PCNX2: variants seen among roughly 807,000 people sequenced by gnomAD.
PCNX2 encodes pecanex-like protein 2.
In PCNX2, 168 loss-of-function variants were observed where a neutral mutation model predicts 223.8. The ratio of observed to expected loss-of-function variants is 0.75; its 90% CI spans 0.66 to 0.85. PCNX2 has a LOEUF of 0.85. Ranked by LOEUF, PCNX2 falls within the 40% of genes least tolerant of loss-of-function variation. The pLI is 0.00. For missense variants in PCNX2, 2,507 were observed against 2,675.5 expected (o/e 0.94, Z 1.39); for synonymous variants, 1,006 against 1,052.6 (o/e 0.96, Z 0.86).
At chr1:233,316,560 C>T in the PCNX2 span, among the ~76,000 whole-genome samples, 1 of 152,010 alleles carries the variant, frequency 6.6e-6, no homozygotes, top group African/African-American at 2.4e-5. Context: ...CTATTTTTTA[C>T]TAACACCTCC....
chr1:233,063,902 T>C (rs1489162302), intron 23 of PCNX2, among the ~76,000 whole-genome samples: 2 of 152,176 alleles, frequency 1.3e-5, no homozygotes. Flanking sequence ...TTTAATTTAC[T>C]ATTTAACTTG....
chr1:233,239,738 C>A, intron 8 of PCNX2, among the ~76,000 whole-genome samples: 1 of 152,160 alleles, frequency 6.6e-6, no homozygotes, highest in East Asian at 1.9e-4. Context: ...CTTTTTACTT[C>A]CTTTTGTTGA....
intron 23 of PCNX2, among the ~76,000 whole-genome samples, chr1:233,068,115 C>A (rs1329109211): frequency 6.6e-6 from 1 of 152,096 alleles, no homozygotes; most frequent in Non-Finnish European, 1.5e-5. Context: ...TGAATTATTG[C>A]AGATTTCTTA....
chr1:233,019,933 G>A (rs1476640831), intron 26 of PCNX2, among the ~76,000 whole-genome samples: 1 of 152,180 alleles, frequency 6.6e-6, no homozygotes, highest in Non-Finnish European at 1.5e-5. Flanking sequence ...TCAGCTGAGC[G>A]TTACAAAGGG....
At chr1:233,050,677 T>C (rs1671972273) in intron 25 of PCNX2, among the ~76,000 whole-genome samples, 1 of 152,090 alleles carries the variant, frequency 6.6e-6, no homozygotes, top group African/African-American at 2.4e-5. Flanking sequence ...TATACAAAAA[T>C]TAACCCAAGA....
chr1:233,247,210 T>C (rs1361216008), intron 8 of PCNX2, among the ~76,000 whole-genome samples: 1 of 152,206 alleles, frequency 6.6e-6, no homozygotes, highest in East Asian at 1.9e-4. Context: ...GGGAACAGCT[T>C]CAATGCTGTA....
At chr1:233,030,292 T>C (rs1468899066) in intron 25 of PCNX2, among the ~76,000 whole-genome samples, 1 of 152,170 alleles carries the variant, frequency 6.6e-6, no homozygotes, top group African/African-American at 2.4e-5. Flanking sequence ...TTCCTCTCTA[T>C]TAATATTCTC....
intron 21 of PCNX2, among the ~76,000 whole-genome samples, chr1:233,109,365 G>A (rs935511622): frequency 1.3e-5 from 2 of 152,170 alleles, no homozygotes; most frequent in Non-Finnish European, 2.9e-5. Flanking sequence ...CACATATAGT[G>A]GAACGATCTG....
Position 233,227,325 on chromosome 1 carries a change from C to A in PCNX2, c.2405G>T (p.Gly802Val), listed in dbSNP as rs183155622. 1.2e-6 allele frequency: 2 copies of A among 1,613,496 alleles called. No individual in the cohort carries two copies. The highest frequency in any genetic ancestry group is 1.7e-5 in the Admixed American group (1 of 59,954). Residue 802 changes from glycine (G) to valine (V), a missense_variant, in exon 10 of 34, where the codon GGA becomes GTA. By Grantham distance (109) the Gly-to-Val change is moderately radical (BLOSUM62 -3). Transcript: ENST00000258229. Reference protein sequence around the residue: ...LEASSCSSTQGKFNREQFYKF... With the variant: ...LEASSCSSTQVKFNREQFYKF... ...GTAAAACTGCTCTCGGTTAAATTTT[C>A]CTTGTGTTGAAGAACATGACGAGGC...
chr1:233,224,281 A>C (rs932349227), intron 10 of PCNX2, among the ~76,000 whole-genome samples: 1 of 152,240 alleles, frequency 6.6e-6, no homozygotes, highest in African/African-American at 2.4e-5. Context: ...AGAGAATATA[A>C]GTAAGGAGAA....
intron 21 of PCNX2, among the ~76,000 whole-genome samples, chr1:233,124,880 C>T (rs1426412905): frequency 6.6e-6 from 1 of 152,216 alleles, no homozygotes; most frequent in Non-Finnish European, 1.5e-5. Context: ...AAAGAATCAA[C>T]AGCCCTAAAG....
intron 25 of PCNX2, among the ~76,000 whole-genome samples, chr1:233,040,466 T>A (rs956433444): frequency 2.2e-4 from 33 of 152,178 alleles, no homozygotes; most frequent in African/African-American, 7.5e-4. Flanking sequence ...CATTTTCTGA[T>A]TCCAACTTAA....
intron 19 of PCNX2, among the ~76,000 whole-genome samples, chr1:233,149,834 T>A (rs1056638817): frequency 2.6e-5 from 4 of 152,002 alleles, no homozygotes; most frequent in African/African-American, 9.7e-5. Context: ...GGGCTGCCCA[T>A]GGCCCAGTCC....
the PCNX2 span, among the ~76,000 whole-genome samples, chr1:233,302,365 C>T: frequency 6.6e-6 from 1 of 151,834 alleles, no homozygotes; most frequent in Non-Finnish European, 1.5e-5. Flanking sequence ...AATGTCTATG[C>T]ATTTTTATGC....
chr1:233,134,070 T>C (rs1426626109), intron 21 of PCNX2, among the ~76,000 whole-genome samples: 2 of 152,120 alleles, frequency 1.3e-5, no homozygotes, highest in Non-Finnish European at 2.9e-5. Flanking sequence ...ATTTTAAAAA[T>C]TTAAAATTTA....
Position 233,258,177 on chromosome 1 carries a change from T to C in PCNX2, c.1685A>G (p.Asp562Gly). The change falls in exon 5 of 34, where the codon GAC (aspartate) becomes GGC (glycine). Residue 562 changes from aspartate to glycine, a missense_variant. This residue lies in a region of PCNX2 where 1,031 missense variants were observed against 1,021.7 expected (regional missense o/e 1.01). Transcript: ENST00000258229. Reference sequence around the variant, plus strand: ...CATTTGTCCTTCCTTAGCCTCTAGGTCAGATTTGGAAGTTGGCATTGTTTT... The same window carrying C: ...CATTTGTCCTTCCTTAGCCTCTAGGCCAGATTTGGAAGTTGGCATTGTTTT... ...TEKTMPTSKS[D>G]LEAKEGQMPN... is the part of the protein sequence containing the mutation. 6.2e-7 allele frequency: 1 copy of C among 1,613,968 alleles called. No individual in the cohort carries two copies. Among genetic ancestry groups the C allele is most frequent in the Admixed American group, 1.7e-5 (1 of 60,024 alleles).
At chr1:233,103,094 T>C (rs1165151184) in intron 21 of PCNX2, among the ~76,000 whole-genome samples, 2 of 152,154 alleles carry the variant, frequency 1.3e-5, no homozygotes, top group Non-Finnish European at 2.9e-5. Flanking sequence ...CCTCTGAATA[T>C]ACATATCCAG....
intron 8 of PCNX2, chr1:233,250,514 C>T (rs1433816412): frequency 5.2e-5 from 49 of 948,806 alleles, no homozygotes; most frequent in Admixed American, 6.2e-5. Flanking sequence ...ATACTACCTA[C>T]ATGTTATCTT....
chr1:233,151,980 C>G (rs1003878941), intron 19 of PCNX2, among the ~76,000 whole-genome samples: 3 of 152,240 alleles, frequency 2.0e-5, no homozygotes, highest in Non-Finnish European at 4.4e-5. Context: ...CTGATTTCCA[C>G]TTTTCTTTTT....
Sources: gnomAD v4.1 joint callset for allele counts (sites outside exome capture counted in the v4.1 genomes callset) on GRCh38, gnomAD v4.1.1 for gene constraint, gnomAD v4.1.1 regional missense constraint, MANE v1.5 for transcripts, NCBI Gene and HGNC (gene_info 2026-07-23, HGNC 2026-07-21) for gene names.